GRM4: variants seen among roughly 807,000 people sequenced by gnomAD.
GRM4 encodes the protein glutamate metabotropic receptor 4.
GRM4 carries 28 observed loss-of-function variants against 81.7 expected under a neutral mutation model. The observed-to-expected ratio is 0.34, with a 90% confidence interval of 0.25 to 0.47. GRM4 has a LOEUF of 0.47. GRM4 is among the 20% of genes least tolerant of loss of function. The probability of loss-of-function intolerance (pLI) is 1.00; values close to 1 mark genes in which losing one functional copy is unlikely to be tolerated. For synonymous variants in GRM4, 488 were observed against 528.8 expected, an observed-to-expected ratio of 0.92 and a Z score of 1.06; for missense variants, 948 against 1,290.0, an observed-to-expected ratio of 0.73 and a Z score of 4.06.
intron 6 of GRM4, among the ~76,000 whole-genome samples, chr6:34,044,465 C>G (rs796631200): frequency 3.4e-5 from 5 of 144,932 alleles, no homozygotes; most frequent in East Asian, 2.1e-4. Context: ...GACACACACA[C>G]AGACATACAT....
At position 34,133,333 on chromosome 6, in the gene GRM4, A is replaced by G. The variant is rs1206172243; in HGVS notation, c.164T>C (p.Phe55Ser). ...IDGDITLGGL[F>S]PVHGRGSEGK... ...CTCTGAGCCCCGGCCATGCACCGGG[A>G]ACAGGCCTCCCAGTGTGATGTCCCC... The change falls in exon 2 of 11, where the codon TTC (phenylalanine) becomes TCC (serine). Residue 55 changes from phenylalanine (F) to serine (S), a missense_variant. Transcript: ENST00000538487. The surrounding 1 kb of genome is among the most constrained non-coding windows in gnomAD (Gnocchi z 6.5). 1 of 1,614,110 alleles carries G rather than the reference A, an allele frequency of 6.2e-7. No individual in the cohort carries two copies. Among genetic ancestry groups the G allele is most frequent in the South Asian group, 1.1e-5 (1 of 91,080 alleles).
intron 10 of GRM4, among the ~76,000 whole-genome samples, chr6:34,023,826 G>A (rs1461422639): frequency 2.0e-5 from 3 of 152,216 alleles, no homozygotes; most frequent in Non-Finnish European, 4.4e-5. Flanking sequence ...AGGCCAGAGG[G>A]GTGAGGGGCC....
chr6:34,134,625 C>T (rs1403679807), intron 1 of GRM4, among the ~76,000 whole-genome samples: 1 of 152,112 alleles, frequency 6.6e-6, no homozygotes, highest in Non-Finnish European at 1.5e-5. Flanking sequence ...AACCCAGCAG[C>T]CCCTGCATGA....
rs958282925 is a variant in GRM4, at chr6:34,048,660, CAT to C, written c.1168+7882_1168+7883del. 5.3e-5 allele frequency among the ~76,000 whole-genome samples: 8 copies of C among 152,284 alleles called. No individual in the cohort carries two copies. The highest frequency in any genetic ancestry group is 3.4e-3 in the Middle Eastern group (1 of 294). On this transcript the variant is annotated intron_variant, in intron 6 of 10. Transcript: ENST00000538487. The surrounding 1 kb of genome is among the most constrained non-coding windows in gnomAD (Gnocchi z 4.0). ...ATCTCACCTCGAATCATAATCCCCACATGTCAGGGAAGGGACTTGGTGGGAGG... is the reference window on the plus strand; with the variant it reads ...ATCTCACCTCGAATCATAATCCCCACGTCAGGGAAGGGACTTGGTGGGAGG...
chr6:34,132,774 C>T (rs1450263531), intron 2 of GRM4, among the ~76,000 whole-genome samples: 2 of 152,230 alleles, frequency 1.3e-5, no homozygotes, highest in East Asian at 1.9e-4. Context: ...TCTGCTGTGC[C>T]TGTGCTGAGA....
chr6:34,023,209 C>A (rs1354362630), intron 10 of GRM4, among the ~76,000 whole-genome samples: 3 of 152,246 alleles, frequency 2.0e-5, no homozygotes, highest in Non-Finnish European at 2.9e-5. Context: ...TCCCAAACCC[C>A]ACTCCTGTGT....
chr6:34,061,813 G>A (rs986147089), intron 4 of GRM4, 80 bp downstream of exon 4: 35 of 1,467,400 alleles, frequency 2.4e-5, no homozygotes, highest in Middle Eastern at 1.8e-4. Flanking sequence ...GCCTGGGAAG[G>A]TCTCCAGCAG....
chr6:34,142,783 G>A (rs1046719317), intron 1 of GRM4, among the ~76,000 whole-genome samples: 16 of 152,206 alleles, frequency 1.1e-4, no homozygotes, highest in Admixed American at 3.9e-4. Flanking sequence ...CGCCTCCAAC[G>A]GAATGAAGCC....
Position 34,111,438 on chromosome 6 carries a change from G to A in GRM4, c.520-19339C>T, listed in dbSNP as rs1769380534. Among the ~76,000 whole-genome samples, 1 of 152,128 alleles carries A rather than the reference G, an allele frequency of 6.6e-6. No homozygotes were observed. The highest frequency in any genetic ancestry group is 2.4e-5 in the African/African-American group (1 of 41,414). On this transcript the variant is annotated intron_variant, in intron 2 of 10. Coordinates refer to ENST00000538487, the MANE Select transcript of GRM4 (RefSeq NM_000841.4). This position sits in a 1 kb window ranked among gnomAD's most constrained non-coding sequence, Gnocchi z 5.1. Reference sequence around the variant, plus strand: ...AACACACACACATAGAGTCAGCACTGGTGGAGGCAGCATTAACAGTGTATT... The same window carrying A: ...AACACACACACATAGAGTCAGCACTAGTGGAGGCAGCATTAACAGTGTATT...
chr6:34,037,785 C>T (rs947587201), intron 8 of GRM4, among the ~76,000 whole-genome samples: 1 of 151,056 alleles, frequency 6.6e-6, no homozygotes, highest in Non-Finnish European at 1.5e-5. Flanking sequence ...ATGGCTTGAA[C>T]CCAGGAGGTA....
chr6:34,139,700 C>T (rs1770599802), intron 1 of GRM4, among the ~76,000 whole-genome samples: 1 of 152,242 alleles, frequency 6.6e-6, no homozygotes, highest in Admixed American at 6.5e-5. Flanking sequence ...AGTAACTGAC[C>T]AGGCAAAGCC....
At chr6:34,050,056 TCTGCACTAC>T (rs1378658478) in intron 6 of GRM4, among the ~76,000 whole-genome samples, 1 of 152,190 alleles carries the variant, frequency 6.6e-6, no homozygotes, top group East Asian at 1.9e-4. Context: ...GCCCACATGA[TCTGCACTAC>T]CTGCCCGTTG....
Position 34,020,329 on chromosome 6 carries a change from GGGGACCTA to G in GRM4, c.*2484_*2491del, listed in dbSNP as rs147471442. 4,023 of 152,384 alleles carry G rather than the reference GGGGACCTA, an allele frequency of 0.026. 164 individuals are homozygous for G. The highest frequency in any genetic ancestry group is 0.088 in the African/African-American group (3,646 of 41,522). The allele number at this position is 152,384 out of a possible 1,614,324, so 9.4% of individuals were successfully genotyped here. A position where few individuals can be genotyped will look rare whatever the true frequency, so the allele number is the denominator to read the frequency against. The stretch of plus-strand genomic sequence containing the variant: ...CTAGATGGGGGCCCCACAGATGTAG[GGGGACCTA>G]GGCAAGTCCTGGACTGAGCATGAAA... On this transcript the variant is annotated 3_prime_UTR_variant, in exon 11 of 11. Coordinates refer to ENST00000538487, the MANE Select transcript of GRM4 (RefSeq NM_000841.4).
chr6:34,109,879 T>G (rs1003311348), intron 2 of GRM4, among the ~76,000 whole-genome samples: 1 of 152,052 alleles, frequency 6.6e-6, no homozygotes, highest in African/African-American at 2.4e-5. Flanking sequence ...ACTCTGACTG[T>G]GCCCTCAGCT....
chr6:34,140,337 T>G (rs1451715974), intron 1 of GRM4, among the ~76,000 whole-genome samples: 1 of 151,798 alleles, frequency 6.6e-6, no homozygotes, highest in African/African-American at 2.4e-5. Flanking sequence ...GTTGATGCGA[T>G]GAAGTCAGAG....
chr6:34,122,321 CAGGA>C (rs1385179775), intron 2 of GRM4, among the ~76,000 whole-genome samples: 2 of 152,054 alleles, frequency 1.3e-5, no homozygotes, highest in African/African-American at 4.8e-5. Flanking sequence ...CAGAAGGAGG[CAGGA>C]AGCTGGGGAT....
intron 6 of GRM4, among the ~76,000 whole-genome samples, chr6:34,044,173 T>G (rs796586650): frequency 1.5e-4 from 19 of 124,470 alleles, no homozygotes; most frequent in South Asian, 5.1e-4. Context: ...CACACACATA[T>G]ACATACATAC....
exon 1 of GRM4, chr6:34,155,380 C>A: frequency 6.7e-7 from 1 of 1,496,628 alleles, no homozygotes. Flanking sequence ...TCCAGGCTCC[C>A]AAGCCGGCAT....
At position 34,133,323 on chromosome 6, in the gene GRM4, A is replaced by G. The variant is rs568537352; in HGVS notation, c.174T>C (p.His58=). 89 of 1,614,044 alleles carry G rather than the reference A, an allele frequency of 5.5e-5. 1 individual carries two copies. The South Asian group carries it at 9.4e-4, about 17-fold the overall frequency. ...AGGGCTTGCCCTCTGAGCCCCGGCC[A>G]TGCACCGGGAACAGGCCTCCCAGTG... ...DITLGGLFPV[H]GRGSEGKPCG... is the part of the protein sequence containing the mutation. The change falls in exon 2 of 11, where the codon CAT becomes CAC. Residue 58 remains histidine (H), a synonymous_variant. Coordinates refer to ENST00000538487, the MANE Select transcript of GRM4 (RefSeq NM_000841.4). The surrounding 1 kb of genome is among the most constrained non-coding windows in gnomAD (Gnocchi z 6.5).
Sources: gnomAD v4.1 joint callset for allele counts (sites outside exome capture counted in the v4.1 genomes callset) on GRCh38, gnomAD v4.1.1 for gene constraint, Gnocchi (gnomAD v3.1) non-coding constraint, MANE v1.5 for transcripts, NCBI Gene and HGNC (gene_info 2026-07-23, HGNC 2026-07-21) for gene names.